Variants in MAJIN observed in about 807,000 individuals in gnomAD.
MAJIN encodes the protein membrane anchored junction protein, also known as membrane-anchored junction protein.
In MAJIN, 27 loss-of-function variants were observed where a neutral mutation model predicts 30.2. The observed-to-expected ratio is 0.89, with a 90% CI of 0.66 to 1.23. The LOEUF is 1.23. Ranked by LOEUF, MAJIN falls within the 50% of genes most tolerant of loss-of-function variation. The pLI is 0.00. For missense variants in MAJIN, 253 were observed against 260.3 expected, an observed-to-expected ratio of 0.97 and a Z score of 0.19; for synonymous variants, 78 against 91.6, an observed-to-expected ratio of 0.85 and a Z score of 0.85.
At chr11:64,951,698 G>A (rs140887496) in intron 4 of MAJIN, among the ~76,000 whole-genome samples, 5 of 150,460 alleles carry the variant, frequency 3.3e-5, no homozygotes, top group African/African-American at 9.8e-5. Context: ...CTGGGAGGTC[G>A]AGGCTGCAGT....
At chr11:64,960,559 T>C (rs1313097390) in intron 1 of MAJIN, among the ~76,000 whole-genome samples, 5 of 152,208 alleles carry the variant, frequency 3.3e-5, no homozygotes, top group Non-Finnish European at 5.9e-5. Flanking sequence ...AGATCCAGAA[T>C]TGATATTCTT....
chr11:64,970,286 C>G (rs1170225852), intron 1 of MAJIN, among the ~76,000 whole-genome samples: 1 of 150,472 alleles, frequency 6.6e-6, no homozygotes, highest in East Asian at 2.0e-4. Context: ...TCGCTTGAAC[C>G]CAGCAGGCAG....
intron 6 of MAJIN, among the ~76,000 whole-genome samples, chr11:64,948,602 CATATATAT>C (rs1554970962): frequency 0.031 from 603 of 19,324 alleles, 2 homozygotes; most frequent in Middle Eastern, 0.19. Flanking sequence ...CGGGCTACAT[CATATATAT>C]ATATATATAT....
intron 1 of MAJIN, among the ~76,000 whole-genome samples, chr11:64,964,863 G>A (rs1377124844): frequency 6.6e-6 from 1 of 152,090 alleles, no homozygotes; most frequent in Admixed American, 6.6e-5. Context: ...TGGCATTACA[G>A]GTGTGAGCCA....
intron 3 of MAJIN, among the ~76,000 whole-genome samples, chr11:64,957,127 G>C (rs1945648779): frequency 6.6e-6 from 1 of 151,692 alleles, no homozygotes; most frequent in Admixed American, 6.6e-5. Flanking sequence ...CCCCAGGCTG[G>C]AGTACAGTGG....
chr11:64,970,235 C>T (rs1945876769), intron 1 of MAJIN, among the ~76,000 whole-genome samples: 1 of 151,196 alleles, frequency 6.6e-6, no homozygotes, highest in Non-Finnish European at 1.5e-5. Flanking sequence ...TGGTGGCAGA[C>T]ACCTGTAATC....
intron 1 of MAJIN, among the ~76,000 whole-genome samples, chr11:64,963,022 G>A (rs112216996): frequency 0.046 from 6,954 of 152,224 alleles, 184 homozygotes; most frequent in Middle Eastern, 0.065. Context: ...AGCTACTCGG[G>A]AGGCTAAAAC....
At chr11:64,947,249 T>C in intron 8 of MAJIN, 125 bp downstream of exon 8, 1 of 678,090 alleles carries the variant, frequency 1.5e-6, no homozygotes, top group Non-Finnish European at 2.4e-6. Flanking sequence ...CCCACTGTAA[T>C]AGGCAGATAC....
chr11:64,939,810 A>G, intron 9 of MAJIN, 43 bp from the exon 10 acceptor site: 2 of 1,588,770 alleles, frequency 1.3e-6, no homozygotes, highest in South Asian at 1.1e-5. Flanking sequence ...GTTTGTCCAT[A>G]GGCCGTTTTC....
chr11:64,941,453 C>T (rs1347614076), intron 8 of MAJIN, among the ~76,000 whole-genome samples: 2 of 151,994 alleles, frequency 1.3e-5, no homozygotes, highest in Non-Finnish European at 2.9e-5. Context: ...GTCAGCAGTT[C>T]GAGACCAGCC....
chr11:64,968,810 C>A (rs372794942), intron 1 of MAJIN, among the ~76,000 whole-genome samples: 1 of 151,048 alleles, frequency 6.6e-6, no homozygotes, highest in Non-Finnish European at 1.5e-5. Context: ...CCAGCCTGGG[C>A]CACAGAGCGA....
At chr11:64,970,317 C>T (rs1945877914) in intron 1 of MAJIN, among the ~76,000 whole-genome samples, 2 of 146,642 alleles carry the variant, frequency 1.4e-5, no homozygotes, top group African/African-American at 2.5e-5. Flanking sequence ...GAGCCCAAAT[C>T]TCACCATTGC....
chr11:64,948,631 ATATATATATTTTTTTTTTTTTTTTTTTT>A (rs1945495902), intron 6 of MAJIN, among the ~76,000 whole-genome samples: 1 of 40,680 alleles, frequency 2.5e-5, no homozygotes, highest in Admixed American at 5.2e-4. Context: ...ATATATATAT[ATATATATATTTTTTTTTTTTTTTTTTTT>A]TTTTTTTTTT....
chr11:64,967,264 G>A lies in MAJIN; in HGVS notation c.-65+4613C>T, dbSNP rs1045046342. On this transcript the variant is annotated intron_variant, in intron 1 of 10. Coordinates refer to ENST00000301896, the MANE Select transcript of MAJIN (RefSeq NM_001037225.3). ...CTCTACTAGAATATAAAAATTAACCGGGCGTGGTGGTGGCGCCTGTAATCC... is the reference window on the plus strand; with the variant it reads ...CTCTACTAGAATATAAAAATTAACCAGGCGTGGTGGTGGCGCCTGTAATCC... Among the ~76,000 whole-genome samples the A allele has an allele frequency of 3.3e-5, 5 of 151,832 alleles. No homozygotes were observed. The East Asian group carries it at 7.7e-4, about 23-fold the overall frequency.
intron 7 of MAJIN, 117 bp from the exon 8 acceptor site, chr11:64,947,582 G>A (rs1945470731): frequency 9.0e-7 from 1 of 1,108,164 alleles, no homozygotes; most frequent in Non-Finnish European, 1.3e-6. Context: ...TTTAACACCA[G>A]CTTTGCAAGT....
At chr11:64,965,268 T>A (rs1328220154) in intron 1 of MAJIN, among the ~76,000 whole-genome samples, 6 of 152,152 alleles carry the variant, frequency 3.9e-5, no homozygotes, top group African/African-American at 1.4e-4. Context: ...CAAACTTAGT[T>A]TTGTTTTGTT....
At position 64,950,397 on chromosome 11, in the gene MAJIN, T is replaced by G; in HGVS notation, c.181A>C (p.Asn61His). ...TGTTCTGTAGCAAAGGGCTGAAGAT[T>G]GTCCAAGTTTCCCAAGACCACGCGG... is the stretch of plus-strand genomic sequence containing the variant. ...SVRVVLGNLD[N>H]LQPFATEHFI... The change falls in exon 5 of 11, where the codon AAT becomes CAT. Residue 61 changes from asparagine (N) to histidine (H), a missense_variant. Asn to His is a moderately conservative substitution (Grantham distance 68). Coordinates refer to ENST00000301896, the MANE Select transcript of MAJIN (RefSeq NM_001037225.3). 6.2e-7 allele frequency: 1 copy of G among 1,613,036 alleles called. No homozygotes were observed. Among genetic ancestry groups the G allele is most frequent in the Non-Finnish European group, 8.5e-7 (1 of 1,179,756 alleles).
intron 8 of MAJIN, among the ~76,000 whole-genome samples, chr11:64,944,655 T>A (rs1446737405): frequency 6.6e-6 from 1 of 152,078 alleles, no homozygotes; most frequent in African/African-American, 2.4e-5. Context: ...TGTGACCCTG[T>A]CTCAAAAATG....
Position 64,938,357 on chromosome 11 carries a change from T to C in MAJIN, c.*218A>G. The C allele has an allele frequency of 1.5e-6, 1 of 666,116 alleles. No individual in the cohort carries two copies. The highest frequency in any genetic ancestry group is 2.4e-6 in the Non-Finnish European group (1 of 409,692). 41.3% of individuals were successfully genotyped at this position (666,116 alleles called of 1,614,324 possible). A position where few individuals can be genotyped will look rare whatever the true frequency, so the allele number is the denominator to read the frequency against. ...TAATGTTTTAAATTGGGGGAAAAAA[T>C]CTATTATAAAGGGGCAAAGGACACG... On this transcript the variant is annotated 3_prime_UTR_variant, in exon 11 of 11. Coordinates refer to ENST00000301896, the MANE Select transcript of MAJIN (RefSeq NM_001037225.3).
Sources: gnomAD v4.1 joint callset for allele counts (sites outside exome capture counted in the v4.1 genomes callset) on GRCh38, gnomAD v4.1.1 for gene constraint, MANE v1.5 for transcripts, NCBI Gene and HGNC (gene_info 2026-07-23, HGNC 2026-07-21) for gene names.